Variants in APPL1 observed in about 807,000 individuals in gnomAD.
APPL1 encodes the protein DCC-interacting protein 13-alpha.
APPL1 carries 42 observed loss-of-function variants against 106.8 expected under a neutral mutation model. That is an observed-to-expected ratio of 0.39 (90% CI 0.31 to 0.51). The LOEUF (loss-of-function observed/expected upper bound fraction) is 0.51. Ranked by LOEUF, APPL1 falls within the 20% of genes least tolerant of loss-of-function variation. The pLI, the probability that APPL1 is intolerant of heterozygous loss-of-function variation, is 0.75. For synonymous variants in APPL1, 263 were observed against 281.8 expected (o/e 0.93, Z 0.67); for missense variants, 769 against 858.2 (o/e 0.90, Z 1.30).
chr3:57,247,626 GTTT>G (rs555998473), intron 9 of APPL1, 149 bp downstream of exon 9: 7 of 549,254 alleles, frequency 1.3e-5, no homozygotes, highest in Non-Finnish European at 2.2e-5. Flanking sequence ...GTTACTTCTT[GTTT>G]TTTTTTAACC....
At chr3:57,266,241 A>G (rs1280477208) in intron 19 of APPL1, among the ~76,000 whole-genome samples, 1 of 151,996 alleles carries the variant, frequency 6.6e-6, no homozygotes, top group African/African-American at 2.4e-5. Context: ...CTTCTCCTCT[A>G]TTTTTTGGAA....
At chr3:57,230,875 A>G (rs2060682837) in intron 1 of APPL1, 1 of 339,046 alleles carries the variant, frequency 2.9e-6, no homozygotes, top group Non-Finnish European at 5.8e-6. Context: ...ACACGCCACC[A>G]AGCTCAGCTA....
At chr3:57,257,494 T>C in intron 15 of APPL1, 66 bp downstream of exon 15, 3 of 1,313,324 alleles carry the variant, frequency 2.3e-6, no homozygotes, top group Non-Finnish European at 3.1e-6. Context: ...CTGTCTGCAT[T>C]TCAGAGTCAT....
intron 2 of APPL1, 42 bp from the exon 3 acceptor site, chr3:57,237,450 T>C (rs1282215806): frequency 1.4e-6 from 2 of 1,475,096 alleles, no homozygotes; most frequent in Non-Finnish European, 1.8e-6. Context: ...AAACTAAAAC[T>C]TTTTTCCCAG....
At chr3:57,266,906 C>T (rs538661895) in intron 19 of APPL1, among the ~76,000 whole-genome samples, 1 of 152,262 alleles carries the variant, frequency 6.6e-6, no homozygotes, top group African/African-American at 2.4e-5. Flanking sequence ...TGGCTGTAAA[C>T]AAGTGGCTTC....
At chr3:57,252,692 G>A (rs2060810700) in intron 12 of APPL1, among the ~76,000 whole-genome samples, 1 of 152,126 alleles carries the variant, frequency 6.6e-6, no homozygotes. Flanking sequence ...ATGTGACATG[G>A]CAGGAAGCAA....
At position 57,270,342 on chromosome 3, in the gene APPL1, T is replaced by A. The variant is rs1003450543; in HGVS notation, c.*655T>A. 19 of 152,766 alleles carry A rather than the reference T, an allele frequency of 1.2e-4. No homozygotes were observed. The highest frequency in any genetic ancestry group is 3.4e-3 in the Middle Eastern group (1 of 294). 9.5% of individuals were successfully genotyped at this position (152,766 alleles called of 1,614,324 possible). A position where few individuals can be genotyped will look rare whatever the true frequency, so the allele number is the denominator to read the frequency against. ...GGAAAGAAGCTTAAGTGTCTTCAGT[T>A]CAAGATTGATAGAGCCCTTGGCATT... On this transcript the variant is annotated 3_prime_UTR_variant, in exon 22 of 22. Transcript: ENST00000288266.
At chr3:57,250,959 T>C (rs1487716441) in intron 11 of APPL1, among the ~76,000 whole-genome samples, 1 of 149,482 alleles carries the variant, frequency 6.7e-6, no homozygotes, top group African/African-American at 2.4e-5. Flanking sequence ...AGGCGCCTGC[T>C]ACCACGCCCG....
At chr3:57,250,505 T>C (rs2060797637) in intron 11 of APPL1, among the ~76,000 whole-genome samples, 1 of 152,178 alleles carries the variant, frequency 6.6e-6, no homozygotes, top group Admixed American at 6.5e-5. Context: ...TCAAAAAGCA[T>C]GGAAAATGTA....
chr3:57,238,953 C>T (rs1253692829), intron 4 of APPL1, among the ~76,000 whole-genome samples: 1 of 152,178 alleles, frequency 6.6e-6, no homozygotes, highest in African/African-American at 2.4e-5. Flanking sequence ...CTGATAAAGA[C>T]ATACCTGAGA....
rs1288973637 is a variant in APPL1 at position 57,273,270 on chromosome 3, A to G, written c.*3583A>G. Reference sequence around the variant, plus strand: ...ATCATGCAGTGTACAATTCAAAATCATGCAATGTTTCACTTTAGAATTGGA... The same window carrying G: ...ATCATGCAGTGTACAATTCAAAATCGTGCAATGTTTCACTTTAGAATTGGA... On this transcript the variant is annotated 3_prime_UTR_variant, in exon 22 of 22. Coordinates refer to ENST00000288266, the MANE Select transcript of APPL1 (RefSeq NM_012096.3). 6.6e-6 allele frequency: 1 copy of G among 152,648 alleles called. No individual in the cohort carries two copies. Among genetic ancestry groups the G allele is most frequent in the Non-Finnish European group, 1.5e-5 (1 of 68,042 alleles). The allele number at this position is 152,648 out of a possible 1,614,324, so 9.5% of individuals were successfully genotyped here. A position where few individuals can be genotyped will look rare whatever the true frequency, so the allele number is the denominator to read the frequency against.
At chr3:57,236,854 G>C (rs997952857) in intron 2 of APPL1, among the ~76,000 whole-genome samples, 2 of 152,118 alleles carry the variant, frequency 1.3e-5, no homozygotes, top group Non-Finnish European at 2.9e-5. Context: ...TTAATTAAGC[G>C]TACAAGTTTT....
chr3:57,261,183 TC>T (rs1351861063), intron 19 of APPL1, among the ~76,000 whole-genome samples: 1 of 152,180 alleles, frequency 6.6e-6, no homozygotes, highest in Non-Finnish European at 1.5e-5. Flanking sequence ...ATTTTTTGGC[TC>T]CCACATACAA....
intron 12 of APPL1, among the ~76,000 whole-genome samples, chr3:57,252,922 G>A (rs1475877722): frequency 6.6e-6 from 1 of 152,000 alleles, no homozygotes; most frequent in African/African-American, 2.4e-5. Context: ...TTTTAATTTG[G>A]CATTATAATT....
chr3:57,235,691 C>G (rs1434257439), intron 2 of APPL1, 27 bp downstream of exon 2: 2 of 1,525,702 alleles, frequency 1.3e-6, no homozygotes, highest in Non-Finnish European at 1.8e-6. Flanking sequence ...TAACTTGATG[C>G]TTTTAAAACA....
intron 12 of APPL1, 30 bp downstream of exon 12, chr3:57,252,341 T>G (rs771181816): frequency 2.8e-5 from 43 of 1,521,240 alleles, no homozygotes; most frequent in Non-Finnish European, 3.8e-5. Flanking sequence ...ATTTCTTCAT[T>G]GACATTTTAA....
At chr3:57,238,011 T>C (rs771167200) in intron 3 of APPL1, 34 bp from the exon 4 acceptor site, 2 of 1,534,678 alleles carry the variant, frequency 1.3e-6, no homozygotes, top group Non-Finnish European at 1.8e-6. Context: ...GACACAGCAT[T>C]GAAACTTTAC....
Position 57,233,566 on chromosome 3 carries a change from T to C in APPL1, c.55-2000T>C, listed in dbSNP as rs575520782. On this transcript the variant is annotated intron_variant, in intron 1 of 21. Transcript: ENST00000288266. ...TAGCCAAACAAGATTTCCTGATGCTTTCTTTTTTACATCTTAAAATAGCAC... is the reference window on the plus strand; with the variant it reads ...TAGCCAAACAAGATTTCCTGATGCTCTCTTTTTTACATCTTAAAATAGCAC... Among the ~76,000 whole-genome samples the C allele has an allele frequency of 2.6e-5, 4 of 152,286 alleles. No individual in the cohort carries two copies. The South Asian group carries it at 8.3e-4, about 32-fold the overall frequency.
chr3:57,260,402 G>A (rs1338471791), intron 18 of APPL1: 5 of 546,528 alleles, frequency 9.1e-6, no homozygotes, highest in Non-Finnish European at 1.2e-5. Flanking sequence ...TTTGTAAAAT[G>A]TGTTAATGAC....
Sources: gnomAD v4.1 joint callset for allele counts (sites outside exome capture counted in the v4.1 genomes callset) on GRCh38, gnomAD v4.1.1 for gene constraint, MANE v1.5 for transcripts, NCBI Gene and HGNC (gene_info 2026-07-23, HGNC 2026-07-21) for gene names.